The following KCNT1 variants were observed in gnomAD, a reference collection of about 807,000 sequenced individuals.
The protein encoded by KCNT1 is potassium sodium-activated channel subfamily T member 1, also known as potassium channel subfamily T member 1.
KCNT1 carries 78 observed loss-of-function variants against 147.8 expected under a neutral mutation model. That is an observed-to-expected ratio of 0.53 (90% CI 0.44 to 0.64). KCNT1 has a LOEUF of 0.64. KCNT1 is among the 30% of genes least tolerant of loss of function. KCNT1 has a pLI of 0.00. For missense variants in KCNT1, 1,419 were observed against 1,750.3 expected (o/e 0.81, Z 3.38); for synonymous variants, 867 against 748.8 (o/e 1.16, Z -2.58).
chr9:135,713,897 T>C (rs1296390655), intron 1 of KCNT1, among the ~76,000 whole-genome samples: 1 of 152,196 alleles, frequency 6.6e-6, no homozygotes, highest in Non-Finnish European at 1.5e-5. Context: ...TAACCTGCGC[T>C]GCCAGCTCTC....
At chr9:135,702,851 T>A (rs1835089271) in intron 1 of KCNT1, among the ~76,000 whole-genome samples, 2 of 151,444 alleles carry the variant, frequency 1.3e-5, no homozygotes, top group Non-Finnish European at 2.9e-5. Flanking sequence ...CAAGGAAGAG[T>A]CCCCAGTGGG....
At position 135,765,713 on chromosome 9, in the gene KCNT1, C is replaced by G; in HGVS notation, c.1290C>G (p.Ile430Met). The change falls in exon 13 of 31, where the codon ATC becomes ATG. Residue 430 changes from isoleucine to methionine, a missense_variant. Physicochemically the swap from Ile to Met is conservative, Grantham distance 10 (BLOSUM62 1). Transcript: ENST00000371757. Reference sequence around the variant, plus strand: ...TCCCTCTGTGGTCCCAGCGGGTCATCTACCTCCAGGGCTCTGCACTCAAAG... The same window carrying G: ...TCCCTCTGTGGTCCCAGCGGGTCATGTACCTCCAGGGCTCTGCACTCAAAG... ...LQIPLWSQRV[I>M]YLQGSALKDQ... 1 of 1,610,990 alleles carries G rather than the reference C, an allele frequency of 6.2e-7. No homozygotes were observed. The highest frequency in any genetic ancestry group is 8.5e-7 in the Non-Finnish European group (1 of 1,178,980).
At chr9:135,753,816 A>G (rs775755204) in intron 4 of KCNT1, 121 bp from the exon 5 acceptor site, 31 of 951,080 alleles carry the variant, frequency 3.3e-5, no homozygotes, top group African/African-American at 4.8e-5. Context: ...TGTGGGGGTT[A>G]GCCCCGGGTG....
chr9:135,772,945 G>A lies in KCNT1; in HGVS notation c.2239G>A (p.Val747Ile). 1 of 1,484,380 alleles carries A rather than the reference G, an allele frequency of 6.7e-7. No homozygotes were observed. The highest frequency in any genetic ancestry group is 8.9e-7 in the Non-Finnish European group (1 of 1,118,366). 92.0% of individuals were successfully genotyped at this position (1,484,380 alleles called of 1,614,324 possible). A position where few individuals can be genotyped will look rare whatever the true frequency, so the allele number is the denominator to read the frequency against. The change falls in exon 19 of 31, where the codon GTA becomes ATA. Residue 747 changes from valine to isoleucine, a missense_variant. By Grantham distance (29) the Val-to-Ile change is conservative. Around this residue, in one of 5 missense-constraint regions of KCNT1, gnomAD observed 284 missense variants for 292.8 expected, o/e 0.97. Coordinates refer to ENST00000371757, the MANE Select transcript of KCNT1 (RefSeq NM_020822.3). ...GTCGGACGACGAGGGGCTCTCCGTG[G>A]TAGAGTGAGTGCTGCCTTGGAGACG... ...TPSDDEGLSV[V>I]EYVKGYPPNS...
intron 1 of KCNT1, among the ~76,000 whole-genome samples, chr9:135,712,253 T>TCC (rs1474298116): frequency 6.6e-6 from 1 of 151,760 alleles, no homozygotes; most frequent in African/African-American, 2.4e-5. Context: ...GTCCAGAGAG[T>TCC]AGTGTAAGGG....
At chr9:135,707,740 C>T (rs549935310) in intron 1 of KCNT1, among the ~76,000 whole-genome samples, 1 of 152,312 alleles carries the variant, frequency 6.6e-6, no homozygotes, top group Admixed American at 6.5e-5. Context: ...GGGGTGATGG[C>T]CCCCACAGCC....
chr9:135,702,364 C>A lies in KCNT1; in HGVS notation c.106C>A (p.Pro36Thr). 1 of 1,610,238 alleles carries A rather than the reference C, an allele frequency of 6.2e-7. No individual in the cohort carries two copies. Among genetic ancestry groups the A allele is most frequent in the Non-Finnish European group, 8.5e-7 (1 of 1,178,176 alleles). Reference sequence around the variant, plus strand: ...CGAGTTTGACGACGGCCAATGCGCCCCCAGGTACAGTCTGCTGCGCCCTCC... The same window carrying A: ...CGAGTTTGACGACGGCCAATGCGCCACCAGGTACAGTCTGCTGCGCCCTCC... ...TFEFDDGQCA[P>T]RRPCAGDGAL... The change falls in exon 1 of 31, where the codon CCC becomes ACC. Residue 36 changes from proline (P) to threonine (T), a missense_variant. Around this residue, in one of 5 missense-constraint regions of KCNT1, gnomAD observed 181 missense variants for 155.7 expected, o/e 1.16. Coordinates refer to ENST00000371757, the MANE Select transcript of KCNT1 (RefSeq NM_020822.3).
chr9:135,756,721 G>A lies in KCNT1; in HGVS notation c.541-152G>A, dbSNP rs1372277141. ...GCGGGGGTCAGCCAAAGGCCTTGGTGGCTAAGACTGTCCTGACATGGGAGT... is the reference window on the plus strand; with the variant it reads ...GCGGGGGTCAGCCAAAGGCCTTGGTAGCTAAGACTGTCCTGACATGGGAGT... On this transcript the variant is annotated intron_variant, in intron 6 of 30. Transcript: ENST00000371757. 9.8e-6 allele frequency: 7 copies of A among 717,724 alleles called. No individual in the cohort carries two copies. In the East Asian group the frequency reaches 1.3e-4, roughly 13 times the overall value. The allele number at this position is 717,724 out of a possible 1,614,324, so 44.5% of individuals were successfully genotyped here.
In KCNT1 at chr9:135,759,820, C is replaced by T. The variant is rs758566350; in HGVS notation, c.996C>T (p.Val332=). 1.2e-6 allele frequency: 2 copies of T among 1,612,612 alleles called. No individual in the cohort carries two copies. The highest frequency in any genetic ancestry group is 1.1e-5 in the South Asian group (1 of 90,956). ...PKIWPSQLLV[V]IMICVALVVL... ...TCTGGCCATCGCAGCTGCTGGTGGT[C>T]ATCATGATCTGCGTGGCCCTCGTGG... The change falls in exon 11 of 31, where the codon GTC becomes GTT. Residue 332 remains valine, a synonymous_variant. Transcript: ENST00000371757.
At chr9:135,708,499 T>C (rs1835348328) in intron 1 of KCNT1, among the ~76,000 whole-genome samples, 1 of 152,200 alleles carries the variant, frequency 6.6e-6, no homozygotes, top group Admixed American at 6.5e-5. Context: ...TGAACAAGAA[T>C]GTATTTTAGG....
intron 11 of KCNT1, 102 bp downstream of exon 11, chr9:135,759,961 A>T (rs1831804458): frequency 8.8e-7 from 1 of 1,141,608 alleles, no homozygotes; most frequent in East Asian, 2.7e-5. Flanking sequence ...TGCGGGGGCC[A>T]CTCCCAGGAG....
At chr9:135,747,286 G>A (rs1487368697) in intron 2 of KCNT1, among the ~76,000 whole-genome samples, 2 of 152,026 alleles carry the variant, frequency 1.3e-5, no homozygotes, top group Admixed American at 6.5e-5. Context: ...AGGAGCAAGT[G>A]AGGTGAGCAG....
Position 135,750,125 on chromosome 9 carries a change from G to A in KCNT1, c.282G>A (p.Glu94=). The change falls in exon 3 of 31, where the codon GAG becomes GAA. Residue 94 remains glutamate, a synonymous_variant. Transcript: ENST00000371757. ...TCCAGGTGGAGTTCTACGTCAACGA[G>A]AACACCTTCAAGGAGCGGCTCAAGC... ...DRVQVEFYVN[E]NTFKERLKLF... 1 of 1,613,844 alleles carries A rather than the reference G, an allele frequency of 6.2e-7. No individual in the cohort carries two copies. The highest frequency in any genetic ancestry group is 8.5e-7 in the Non-Finnish European group (1 of 1,179,978).
intron 2 of KCNT1, among the ~76,000 whole-genome samples, chr9:135,725,061 G>A (rs935388154): frequency 2.6e-5 from 4 of 152,208 alleles, no homozygotes; most frequent in Admixed American, 6.5e-5. Flanking sequence ...GTGGGGGGGC[G>A]TGTGGTGGAC....
Position 135,792,195 on chromosome 9 carries a change from CG to C in KCNT1, c.*38del, listed in dbSNP as rs775715954. 1.3e-6 allele frequency: 2 copies of C among 1,592,586 alleles called. No homozygotes were observed. Among genetic ancestry groups the C allele is most frequent in the East Asian group, 2.2e-5 (1 of 44,520 alleles). On this transcript the variant is annotated 3_prime_UTR_variant, in exon 31 of 31. Transcript: ENST00000371757. ...TGCACGGAGCTCAGGCCACCAAGCC[CG>C]GGGTCCTCAGGAAGGACGTGGAGGA...
chr9:135,773,216 G>A (rs1281747530), intron 19 of KCNT1, among the ~76,000 whole-genome samples: 1 of 152,196 alleles, frequency 6.6e-6, no homozygotes, highest in Non-Finnish European at 1.5e-5. Flanking sequence ...GGGGCTGGGG[G>A]TGCAGAGCTA....
At chr9:135,722,144 G>A (rs1033392409) in intron 2 of KCNT1, among the ~76,000 whole-genome samples, 2 of 152,142 alleles carry the variant, frequency 1.3e-5, no homozygotes, top group African/African-American at 4.8e-5. Context: ...TGATACCCCT[G>A]GGCCCAGGGC....
chr9:135,780,280 C>T (rs1284259621), intron 24 of KCNT1, among the ~76,000 whole-genome samples: 2 of 152,228 alleles, frequency 1.3e-5, no homozygotes, highest in Admixed American at 6.5e-5. Flanking sequence ...ACACGAACCC[C>T]GAGCTCACCG....
At position 135,740,510 on chromosome 9, in the gene KCNT1, GCAC is replaced by G. The variant is rs1463215064; in HGVS notation, c.255-9587_255-9585del. Among the ~76,000 whole-genome samples, 7 of 152,320 alleles carry G rather than the reference GCAC, an allele frequency of 4.6e-5. No homozygotes were observed. In the South Asian group the frequency reaches 8.3e-4, roughly 18 times the overall value. ...TGGCAGCTGAGACTGCTCCTTATGG[GCAC>G]AAGTCAAGTGGGGATGGCCCCTCCT... On this transcript the variant is annotated intron_variant, in intron 2 of 30. Transcript: ENST00000371757.
Sources: gnomAD v4.1 joint callset for allele counts (sites outside exome capture counted in the v4.1 genomes callset) on GRCh38, gnomAD v4.1.1 for gene constraint, gnomAD v4.1.1 regional missense constraint, MANE v1.5 for transcripts, NCBI Gene and HGNC (gene_info 2026-07-23, HGNC 2026-07-21) for gene names.